Variants in NTRK1 observed in about 807,000 individuals in gnomAD.
NTRK1 encodes the protein neurotrophic receptor tyrosine kinase 1, also known as high affinity nerve growth factor receptor.
NTRK1 carries 62 observed loss-of-function variants against 86.8 expected under a neutral mutation model. The observed-to-expected ratio is 0.71, with a 90% CI of 0.58 to 0.88. The LOEUF (loss-of-function observed/expected upper bound fraction) is 0.88, where lower values mean the gene tolerates loss of function less well. NTRK1 is among the 40% of genes least tolerant of loss of function. The pLI is 0.00. For synonymous variants in NTRK1, 469 were observed against 456.6 expected (o/e 1.03, Z -0.35); for missense variants, 967 against 1,078.4 (o/e 0.90, Z 1.45).
At chr1:156,843,448 C>G (rs1392741443) in intron 2 of NTRK1, 1 of 1,614,116 alleles carries the variant, frequency 6.2e-7, no homozygotes, top group East Asian at 2.2e-5. Flanking sequence ...CTGAAGTACT[C>G]TGGATTCACA....
intron 2 of NTRK1, among the ~76,000 whole-genome samples, chr1:156,849,713 G>T (rs1422964236): frequency 6.6e-6 from 1 of 152,032 alleles, no homozygotes; most frequent in African/African-American, 2.4e-5. Flanking sequence ...CAGCTTCCCT[G>T]CCCCCATCCT....
upstream of NTRK1, among the ~76,000 whole-genome samples, chr1:156,857,968 G>C (rs1655469197): frequency 6.6e-6 from 1 of 152,136 alleles, no homozygotes; most frequent in Non-Finnish European, 1.5e-5. Context: ...TAGCCTGGGG[G>C]ACAGGCCCTG....
chr1:156,821,479 GTGTGTGTGTGTGTGTA>G (rs1460390253), intron 1 of NTRK1, among the ~76,000 whole-genome samples: 29 of 151,620 alleles, frequency 1.9e-4, no homozygotes, highest in African/African-American at 7.0e-4. Flanking sequence ...GTGTGTGTGT[GTGTGTGTGTGTGTGTA>G]TGTGTAGGGG....
At chr1:156,859,183 T>A (rs1655521338), upstream of NTRK1, among the ~76,000 whole-genome samples, 1 of 150,516 alleles carries the variant, frequency 6.6e-6, no homozygotes, top group African/African-American at 2.4e-5. The surrounding 1 kb of genome is among the most constrained non-coding windows in gnomAD (Gnocchi z 6.2). Context: ...ACAGATTGGT[T>A]CGCAGGGACC....
intron 1 of NTRK1, among the ~76,000 whole-genome samples, chr1:156,824,362 T>C (rs924117020): frequency 5.3e-5 from 8 of 152,168 alleles, no homozygotes; most frequent in Non-Finnish European, 1.2e-4. Flanking sequence ...CAGTTGGTTA[T>C]ATGGACCCTC....
At chr1:156,875,700 A>AGTGTTT in intron 12 of NTRK1, 34 bp downstream of exon 12, 2 of 1,385,638 alleles carry the variant, frequency 1.4e-6, no homozygotes, top group Non-Finnish European at 2.0e-6. Flanking sequence ...GGCAGGGACG[A>AGTGTTT]GTGTGTGTGT....
At position 156,832,479 on chromosome 1, in the gene NTRK1, A is replaced by C. The variant is rs1183406747; in HGVS notation, c.-63-9602A>C. On this transcript the variant is annotated intron_variant, in intron 1 of 16. Coordinates refer to the NTRK1 transcript ENST00000392302. ...GAAATCAGTAAGGGCTTCAGAGAGG[A>C]GGCAGCAGTTGAAAGAGCTGATTTA... Among the ~76,000 whole-genome samples, 5 of 152,198 alleles carry C rather than the reference A, an allele frequency of 3.3e-5. 1 individual carries two copies. The highest frequency in any genetic ancestry group is 3.3e-4 in the Admixed American group (5 of 15,288).
chr1:156,843,203 C>G (rs752651056), intron 2 of NTRK1: 1 of 1,614,114 alleles, frequency 6.2e-7, no homozygotes. Flanking sequence ...GATCTGCTCC[C>G]GAGGCACCTC....
intron 2 of NTRK1, chr1:156,844,702 C>G: frequency 6.2e-7 from 1 of 1,614,084 alleles, no homozygotes; most frequent in Non-Finnish European, 8.5e-7. Context: ...CCCACGGGCA[C>G]CTACCTCTCC....
In NTRK1 at chr1:156,876,063, C is replaced by T. The variant is rs2102917024; in HGVS notation, c.1502-17C>T. The T allele has an allele frequency of 1.2e-6, 2 of 1,614,150 alleles. No homozygotes were observed. Among genetic ancestry groups the T allele is most frequent in the Middle Eastern group, 1.7e-4 (1 of 6,058 alleles). On this transcript the variant is annotated splice_polypyrimidine_tract_variant and intron_variant, in intron 12 of 16. Transcript: ENST00000524377. ...CCCAAGACTGGGGCTACCGTCTGACCCTGCAAGCCCCCTCAGGTGTTCACC... is the reference window on the plus strand; with the variant it reads ...CCCAAGACTGGGGCTACCGTCTGACTCTGCAAGCCCCCTCAGGTGTTCACC...
At chr1:156,864,299 A>C in intron 1 of NTRK1, 55 bp from the exon 2 acceptor site, 1 of 1,569,534 alleles carries the variant, frequency 6.4e-7, no homozygotes, top group Non-Finnish European at 8.8e-7. Context: ...GTGGGTGGGC[A>C]TGGGAACTCA....
chr1:156,843,521 G>T, intron 2 of NTRK1: 2 of 1,586,132 alleles, frequency 1.3e-6, no homozygotes, highest in East Asian at 2.2e-5. Context: ...AGGGTTCTCA[G>T]GAAGGAATGA....
At chr1:156,848,462 A>G (rs1239259146) in intron 2 of NTRK1, among the ~76,000 whole-genome samples, 2 of 151,918 alleles carry the variant, frequency 1.3e-5, no homozygotes, top group African/African-American at 2.4e-5. Context: ...GGGTCAGTTG[A>G]CTCTCTCCAA....
chr1:156,829,690 T>C (rs544544538), intron 1 of NTRK1, among the ~76,000 whole-genome samples: 101 of 152,250 alleles, frequency 6.6e-4, no homozygotes, highest in Non-Finnish European at 1.2e-3. Context: ...TCTTGCTCTG[T>C]CACCCAGGCT....
chr1:156,874,307 A>T (rs2102908406), intron 8 of NTRK1, 76 bp from the exon 9 acceptor site: 1 of 1,599,890 alleles, frequency 6.3e-7, no homozygotes, highest in Non-Finnish European at 8.6e-7. Context: ...TAGGCAGGGG[A>T]CTCACTGCTT....
At chr1:156,869,021 T>TTCCTTCCTTCCTTCCTTCCTTCCTTCCC (rs1647378185) in intron 6 of NTRK1, among the ~76,000 whole-genome samples, 3 of 15,940 alleles carry the variant, frequency 1.9e-4, no homozygotes, top group Non-Finnish European at 4.7e-4. Context: ...TCTCTCTCCC[T>TTCCTTCCTTCCTTCCTTCCTTCCTTCCC]TCCTTCCTTC....
chr1:156,849,280 C>G (rs1429332000), intron 2 of NTRK1: 9 of 1,613,834 alleles, frequency 5.6e-6, no homozygotes, highest in Admixed American at 1.7e-5. Context: ...GGGGGTTGAT[C>G]TCAGCCTTGT....
Position 156,879,128 on chromosome 1 carries a change from T to C in NTRK1, c.1812T>C (p.His604=), listed in dbSNP as rs1316375335. 1.2e-6 allele frequency: 2 copies of C among 1,613,862 alleles called. No homozygotes were observed. Among genetic ancestry groups the C allele is most frequent in the East Asian group, 2.2e-5 (1 of 44,874 alleles). Residue 604 remains histidine (H), a synonymous_variant, in exon 15 of 17, where the codon CAT becomes CAC. Transcript: ENST00000524377. ...CTCCTTTTCTTGTTCACAGATCCCA[T>C]GGACCTGATGCCAAGCTGCTGGCTG... ...HGDLNRFLRS[H]GPDAKLLAGG...
chr1:156,848,706 C>G (rs1655093812), intron 2 of NTRK1, among the ~76,000 whole-genome samples: 1 of 152,194 alleles, frequency 6.6e-6, no homozygotes, highest in Non-Finnish European at 1.5e-5. Context: ...CCTGTCTTCT[C>G]CATTTCACTT....
Sources: gnomAD v4.1 joint callset for allele counts (sites outside exome capture counted in the v4.1 genomes callset) on GRCh38, gnomAD v4.1.1 for gene constraint, Gnocchi (gnomAD v3.1) non-coding constraint, MANE v1.5 for transcripts, NCBI Gene and HGNC (gene_info 2026-07-23, HGNC 2026-07-21) for gene names.